The following TBC1D32 variants were observed in gnomAD, a reference collection of about 807,000 sequenced individuals.
The protein encoded by TBC1D32 is protein broad-minded.
In TBC1D32, 151 loss-of-function variants were observed where a neutral mutation model predicts 170.3. The ratio of observed to expected loss-of-function variants is 0.89; its 90% CI spans 0.78 to 1.01. The LOEUF is 1.01. Ranked by LOEUF, TBC1D32 falls within the 50% of genes least tolerant of loss-of-function variation. TBC1D32 has a pLI of 0.00. For missense variants in TBC1D32, 1,464 were observed against 1,457.1 expected, an observed-to-expected ratio of 1.00 and a Z score of -0.08; for synonymous variants, 498 against 488.0, an observed-to-expected ratio of 1.02 and a Z score of -0.27.
chr6:121,239,795 T>C (rs1796724412), intron 19 of TBC1D32, among the ~76,000 whole-genome samples: 1 of 151,858 alleles, frequency 6.6e-6, no homozygotes, highest in Admixed American at 6.6e-5. Context: ...CTCAAATTAG[T>C]CTATTAAAAA....
intron 30 of TBC1D32, among the ~76,000 whole-genome samples, chr6:121,091,438 T>C (rs1043514732): frequency 6.6e-6 from 1 of 152,144 alleles, no homozygotes; most frequent in Non-Finnish European, 1.5e-5. Context: ...AGATGTATAA[T>C]TATGCAGATG....
intron 31 of TBC1D32, 117 bp from the exon 32 acceptor site, chr6:121,081,007 T>A: frequency 7.5e-6 from 9 of 1,204,126 alleles, no homozygotes; most frequent in Non-Finnish European, 1.0e-5. Flanking sequence ...GGTGGGCTGT[T>A]TATGTTGCCA....
chr6:121,115,362 G>T, intron 26 of TBC1D32, 121 bp from the exon 27 acceptor site: 1 of 632,008 alleles, frequency 1.6e-6, no homozygotes, highest in Non-Finnish European at 2.4e-6. Context: ...TGAAAACACT[G>T]ATGAATTTAT....
chr6:121,287,811 C>A (rs1013888150), intron 12 of TBC1D32, among the ~76,000 whole-genome samples: 1 of 152,136 alleles, frequency 6.6e-6, no homozygotes, highest in Non-Finnish European at 1.5e-5. Flanking sequence ...TCTCTCAGAC[C>A]ACAGTGCAAT....
At chr6:121,263,531 T>C (rs1325708759) in intron 15 of TBC1D32, among the ~76,000 whole-genome samples, 1 of 151,834 alleles carries the variant, frequency 6.6e-6, no homozygotes, top group East Asian at 1.9e-4. Context: ...GACAGTGGGG[T>C]ATTAACGAGA....
intron 15 of TBC1D32, among the ~76,000 whole-genome samples, chr6:121,258,799 TGTAAA>T (rs1799385658): frequency 6.6e-6 from 1 of 152,150 alleles, no homozygotes; most frequent in Non-Finnish European, 1.5e-5. Flanking sequence ...TGCTCCATTG[TGTAAA>T]CATAATTCAA....
intron 24 of TBC1D32, among the ~76,000 whole-genome samples, chr6:121,143,062 T>G (rs1477429913): frequency 2.0e-5 from 3 of 152,298 alleles, no homozygotes; most frequent in Admixed American, 2.0e-4. Flanking sequence ...TATATTATAG[T>G]ACTAGCTATA....
intron 1 of TBC1D32, among the ~76,000 whole-genome samples, chr6:121,330,636 C>T (rs993187645): frequency 2.6e-5 from 4 of 152,144 alleles, no homozygotes; most frequent in African/African-American, 9.7e-5. Flanking sequence ...GCACATTAGA[C>T]TTACATAGAA....
rs147017932 is a variant in TBC1D32, at chr6:121,180,720, C to T, written c.2571-19664G>A. 4.1e-4 allele frequency among the ~76,000 whole-genome samples: 62 copies of T among 152,040 alleles called. No individual in the cohort carries two copies. In the East Asian group the frequency reaches 8.5e-3, roughly 21 times the overall value. ...TCAAAAGCAAAGGCGACAATGCAAACGTAGACAAATGAGATTACATCAAGC... is the reference window on the plus strand; with the variant it reads ...TCAAAAGCAAAGGCGACAATGCAAATGTAGACAAATGAGATTACATCAAGC... On this transcript the variant is annotated intron_variant, in intron 22 of 31. Transcript: ENST00000398212.
At chr6:121,304,892 A>T in intron 5 of TBC1D32, 59 bp from the exon 6 acceptor site, 1 of 1,152,484 alleles carries the variant, frequency 8.7e-7, no homozygotes, top group Non-Finnish European at 1.3e-6. Context: ...AATAGAGATG[A>T]AACATTTTTC....
intron 20 of TBC1D32, among the ~76,000 whole-genome samples, chr6:121,237,235 T>C (rs767892485): frequency 1.3e-5 from 2 of 152,074 alleles, no homozygotes; most frequent in African/African-American, 2.4e-5. Context: ...GTTTCCACTA[T>C]TGTAATGAGA....
At chr6:121,306,706 TA>T (rs1212388558) in intron 5 of TBC1D32, among the ~76,000 whole-genome samples, 1 of 152,194 alleles carries the variant, frequency 6.6e-6, no homozygotes, top group East Asian at 1.9e-4. Flanking sequence ...CCTGTAGAAT[TA>T]CTGCACTTGT....
intron 15 of TBC1D32, among the ~76,000 whole-genome samples, chr6:121,262,899 G>A (rs2128408997): frequency 6.6e-6 from 1 of 152,114 alleles, no homozygotes; most frequent in African/African-American, 2.4e-5. Context: ...TCACCACCAG[G>A]CCTGCCTTGC....
intron 30 of TBC1D32, among the ~76,000 whole-genome samples, chr6:121,098,680 A>C (rs1051485537): frequency 5.3e-5 from 8 of 152,062 alleles, no homozygotes; most frequent in Non-Finnish European, 1.2e-4. Context: ...AGAGCAAGAC[A>C]AAGAATACAA....
At chr6:121,321,868 G>A in intron 1 of TBC1D32, 74 bp from the exon 2 acceptor site, 8 of 1,295,202 alleles carry the variant, frequency 6.2e-6, no homozygotes, top group East Asian at 5.0e-5. Flanking sequence ...AACACAGAAA[G>A]GTAACATATT....
intron 31 of TBC1D32, among the ~76,000 whole-genome samples, chr6:121,085,980 G>T (rs1776235566): frequency 6.6e-6 from 1 of 152,014 alleles, no homozygotes. Flanking sequence ...GATATCTTAA[G>T]AAGTCTCAGG....
chr6:121,159,660 T>G (rs1380372949), intron 24 of TBC1D32, among the ~76,000 whole-genome samples: 1 of 152,084 alleles, frequency 6.6e-6, no homozygotes, highest in Non-Finnish European at 1.5e-5. Context: ...AGGCTACAAG[T>G]CTATACAGCA....
At chr6:121,227,859 G>A (rs1305047255) in intron 20 of TBC1D32, among the ~76,000 whole-genome samples, 1 of 152,102 alleles carries the variant, frequency 6.6e-6, no homozygotes, top group Admixed American at 6.6e-5. Flanking sequence ...GAAAAAGCTT[G>A]TGTGAGATCA....
At chr6:121,288,124 C>G (rs1485903171) in intron 12 of TBC1D32, among the ~76,000 whole-genome samples, 1 of 152,074 alleles carries the variant, frequency 6.6e-6, no homozygotes, top group African/African-American at 2.4e-5. Flanking sequence ...CATTCAAAAG[C>G]TAGCAGAAGG....
Sources: gnomAD v4.1 joint callset for allele counts (sites outside exome capture counted in the v4.1 genomes callset) on GRCh38, gnomAD v4.1.1 for gene constraint, MANE v1.5 for transcripts, NCBI Gene and HGNC (gene_info 2026-07-23, HGNC 2026-07-21) for gene names.